ST3GAL5: variants seen among roughly 807,000 people sequenced by gnomAD.
ST3GAL5 encodes ST3 beta-galactoside alpha-2,3-sialyltransferase 5.
ST3GAL5 carries 25 observed loss-of-function variants against 46.1 expected under a neutral mutation model. That is an observed-to-expected ratio of 0.54 (90% CI 0.40 to 0.76). The LOEUF is 0.76. ST3GAL5 is among the 30% of genes least tolerant of loss of function. The pLI is 0.00. For synonymous variants in ST3GAL5, 182 were observed against 192.7 expected (o/e 0.94, Z 0.46); for missense variants, 431 against 521.2 (o/e 0.83, Z 1.69).
intron 1 of ST3GAL5, among the ~76,000 whole-genome samples, chr2:85,884,756 G>A (rs1380001599): frequency 6.6e-6 from 1 of 152,192 alleles, no homozygotes; most frequent in Non-Finnish European, 1.5e-5. Context: ...GAGGAGGAGA[G>A]AGGAAGGCTG....
intron 1 of ST3GAL5, among the ~76,000 whole-genome samples, chr2:85,871,914 G>A (rs748783323): frequency 1.3e-4 from 20 of 152,212 alleles, no homozygotes; most frequent in Admixed American, 2.0e-4. Context: ...TGGACTGTGT[G>A]GGAAGGCAAG....
rs1043220834 is a variant in ST3GAL5, at chr2:85,838,983, G to A, written c.*1161C>T. The A allele has an allele frequency of 6.6e-6, 1 of 152,368 alleles. No homozygotes were observed. Among genetic ancestry groups the A allele is most frequent in the Admixed American group, 6.5e-5 (1 of 15,286 alleles). 9.4% of individuals were successfully genotyped at this position (152,368 alleles called of 1,614,324 possible). A position where few individuals can be genotyped will look rare whatever the true frequency, so the allele number is the denominator to read the frequency against. ...CGACACCCAGCATCTCTTCAGAAGGGTTCACAGTTGTCTGGACTCAAGCAG... is the reference window on the plus strand; with the variant it reads ...CGACACCCAGCATCTCTTCAGAAGGATTCACAGTTGTCTGGACTCAAGCAG... On this transcript the variant is annotated 3_prime_UTR_variant, in exon 7 of 7. Transcript: ENST00000638572.
chr2:85,842,847 C>T (rs1024171640), intron 6 of ST3GAL5, among the ~76,000 whole-genome samples: 4 of 151,656 alleles, frequency 2.6e-5, no homozygotes, highest in African/African-American at 7.3e-5. Flanking sequence ...TTGCAACCTC[C>T]GCCTCCCAGG....
Position 85,846,708 on chromosome 2 carries a change from GCT to G in ST3GAL5, c.663-147_663-146del, listed in dbSNP as rs113519912. Reference sequence around the variant, plus strand: ...GTTTGCAGCCTCATCTCCCCTCCCAGCTCTGTCTTTCTAGGATTTCGAGGAAT... The same window carrying G: ...GTTTGCAGCCTCATCTCCCCTCCCAGCTGTCTTTCTAGGATTTCGAGGAAT... On this transcript the variant is annotated intron_variant, in intron 4 of 6. Transcript: ENST00000638572. 1.2e-3 allele frequency: 852 copies of G among 729,018 alleles called. 1 individual carries two copies. In the African/African-American group the frequency reaches 0.012, roughly 11 times the overall value. The allele number at this position is 729,018 out of a possible 1,614,324, so 45.2% of individuals were successfully genotyped here. A position where few individuals can be genotyped will look rare whatever the true frequency, so the allele number is the denominator to read the frequency against.
At chr2:85,865,729 G>A (rs997695102) in intron 1 of ST3GAL5, 1 of 152,294 alleles carries the variant, frequency 6.6e-6, no homozygotes, top group East Asian at 1.9e-4. Flanking sequence ...ACTGTGGTAA[G>A]AGTATGAGAA....
intron 1 of ST3GAL5, chr2:85,870,192 C>T (rs1405465257): frequency 4.2e-6 from 2 of 470,602 alleles, no homozygotes; most frequent in South Asian, 3.1e-5. Flanking sequence ...GTCTTGTCTC[C>T]CCCACTAGAA....
At chr2:85,849,220 A>T (rs1397173687) in intron 3 of ST3GAL5, 1 of 152,062 alleles carries the variant, frequency 6.6e-6, no homozygotes, top group Non-Finnish European at 1.5e-5. Context: ...TATACAAAAA[A>T]TTTTTTAAAA....
At chr2:85,873,531 C>T (rs1393424236) in intron 1 of ST3GAL5, among the ~76,000 whole-genome samples, 2 of 152,008 alleles carry the variant, frequency 1.3e-5, no homozygotes, top group South Asian at 2.1e-4. Flanking sequence ...AGGCTCAGCA[C>T]GGACAGGACC....
intron 1 of ST3GAL5, among the ~76,000 whole-genome samples, chr2:85,872,189 G>A (rs1686006558): frequency 6.6e-6 from 1 of 152,206 alleles, no homozygotes; most frequent in Admixed American, 6.5e-5. Flanking sequence ...ATGACGAACA[G>A]AAGACAAACA....
intron 1 of ST3GAL5, among the ~76,000 whole-genome samples, chr2:85,881,572 C>G (rs1687155648): frequency 1.3e-5 from 2 of 152,178 alleles, no homozygotes; most frequent in South Asian, 2.1e-4. Flanking sequence ...AAAGGTGACT[C>G]TTTTATGTTT....
chr2:85,848,258 A>G (rs1055331435), intron 3 of ST3GAL5, 54 bp from the exon 4 acceptor site: 2 of 1,613,040 alleles, frequency 1.2e-6, no homozygotes, highest in Non-Finnish European at 1.7e-6. Context: ...CATTAAAAAT[A>G]TACTCTTCTA....
chr2:85,852,987 G>A (rs1205000781), intron 3 of ST3GAL5: 1 of 1,304,144 alleles, frequency 7.7e-7, no homozygotes, highest in African/African-American at 1.5e-5. Flanking sequence ...TTCCTTTAAA[G>A]GCACGGTGTA....
In ST3GAL5 at chr2:85,854,138, C is replaced by T. The variant is rs140554791; in HGVS notation, c.319-5934G>A. Reference sequence around the variant, plus strand: ...GGGGACTTTCTCCTTTACTTATTTCCGTATTACTTGAATTTTTGGTGTTTT... The same window carrying T: ...GGGGACTTTCTCCTTTACTTATTTCTGTATTACTTGAATTTTTGGTGTTTT... On this transcript the variant is annotated intron_variant, in intron 3 of 6. Transcript: ENST00000638572. 1.1e-3 allele frequency: 171 copies of T among 152,156 alleles called. 1 individual carries two copies. The highest frequency in any genetic ancestry group is 3.8e-3 in the African/African-American group (159 of 41,500). 9.4% of individuals were successfully genotyped at this position (152,156 alleles called of 1,614,324 possible).
rs762640650 is a variant in ST3GAL5, at chr2:85,844,387, C to G, written c.1008+9G>C. On this transcript the variant is annotated intron_variant, in intron 6 of 6. Coordinates refer to ENST00000638572, the MANE Select transcript of ST3GAL5 (RefSeq NM_003896.4). ...GGGAATGATTAACTTTGAGTAGCAACAAAAATACCTTATCTCGGCCCCAGA... is the reference window on the plus strand; with the variant it reads ...GGGAATGATTAACTTTGAGTAGCAAGAAAAATACCTTATCTCGGCCCCAGA... 1 of 1,614,168 alleles carries G rather than the reference C, an allele frequency of 6.2e-7. No individual in the cohort carries two copies. The highest frequency in any genetic ancestry group is 8.5e-7 in the Non-Finnish European group (1 of 1,180,014).
intron 1 of ST3GAL5, among the ~76,000 whole-genome samples, chr2:85,872,014 G>A (rs770723026): frequency 6.6e-6 from 1 of 152,144 alleles, no homozygotes; most frequent in African/African-American, 2.4e-5. Context: ...CAGCACAGCA[G>A]GAGACAAGCC....
Position 85,852,810 on chromosome 2 carries a change from T to A in ST3GAL5, c.319-4606A>T, listed in dbSNP as rs555902720. 214 of 1,173,162 alleles carry A rather than the reference T, an allele frequency of 1.8e-4. No homozygotes were observed. In the Middle Eastern group the frequency reaches 3.0e-3, roughly 16 times the overall value. 72.7% of individuals were successfully genotyped at this position (1,173,162 alleles called of 1,614,324 possible). On this transcript the variant is annotated intron_variant, in intron 3 of 6. Coordinates refer to ENST00000638572, the MANE Select transcript of ST3GAL5 (RefSeq NM_003896.4). ...TTCTAGATTGATTTAACTAGCAGCG[T>A]CGTCTTTGTTAAAGCATTTCTCCCT...
rs1159227382 is a variant in ST3GAL5, at chr2:85,837,259, TA to T, written c.*2884del. ...TACACAATGGAATATTATTCTGCCA[TA>T]AAAAGGTTGAAATCATGTTATCTGC... On this transcript the variant is annotated 3_prime_UTR_variant, in exon 7 of 7. Transcript: ENST00000638572. The T allele has an allele frequency of 6.6e-6, 1 of 152,176 alleles. No individual in the cohort carries two copies. Among genetic ancestry groups the T allele is most frequent in the Non-Finnish European group, 1.5e-5 (1 of 68,036 alleles). 9.4% of individuals were successfully genotyped at this position (152,176 alleles called of 1,614,324 possible).
intron 3 of ST3GAL5, 125 bp downstream of exon 3, chr2:85,861,056 T>G: frequency 1.2e-5 from 9 of 744,182 alleles, no homozygotes; most frequent in Middle Eastern, 3.6e-4. Context: ...TGAGATTAAG[T>G]GCTTTCCCCT....
chr2:85,846,586 GAC>G (rs772417949), intron 4 of ST3GAL5, 23 bp from the exon 5 acceptor site: 7 of 1,611,786 alleles, frequency 4.3e-6, no homozygotes, highest in Non-Finnish European at 5.9e-6. Flanking sequence ...AAAGGACAAA[GAC>G]ACACTGACAA....
Sources: allele counts gnomAD v4.1 joint callset (sites outside exome capture counted in the v4.1 genomes callset), GRCh38; gene constraint gnomAD v4.1.1; transcripts MANE v1.5; gene names NCBI Gene and HGNC (gene_info 2026-07-23, HGNC 2026-07-21).